The following PRKCA variants were observed in gnomAD, a reference collection of about 807,000 sequenced individuals.
The protein encoded by PRKCA is protein kinase C alpha.
PRKCA carries 27 observed loss-of-function variants against 87.0 expected under a neutral mutation model. That is an observed-to-expected ratio of 0.31 (90% CI 0.23 to 0.43). The LOEUF is 0.43. Ranked by LOEUF, PRKCA falls within the 20% of genes least tolerant of loss-of-function variation. The pLI is 1.00. For missense variants in PRKCA, 518 were observed against 852.3 expected, an observed-to-expected ratio of 0.61 and a Z score of 4.88; for synonymous variants, 329 against 311.1, an observed-to-expected ratio of 1.06 and a Z score of -0.61.
chr17:66,410,651 C>T (rs1055352068), intron 2 of PRKCA, among the ~76,000 whole-genome samples: 2 of 152,218 alleles, frequency 1.3e-5, no homozygotes, highest in African/African-American at 4.8e-5. Flanking sequence ...TCTCGGCTCA[C>T]TGCAACCTCC....
intron 8 of PRKCA, among the ~76,000 whole-genome samples, chr17:66,729,436 C>G (rs1598902196): frequency 6.6e-6 from 1 of 152,268 alleles, no homozygotes; most frequent in East Asian, 1.9e-4. Context: ...TAAATGTAGA[C>G]ACAGCCTAGG....
At chr17:66,511,605 G>T (rs1567867089) in intron 3 of PRKCA, among the ~76,000 whole-genome samples, 1 of 152,096 alleles carries the variant, frequency 6.6e-6, no homozygotes, top group Non-Finnish European at 1.5e-5. Context: ...TATTAAAGGG[G>T]CTTGGGCTTG....
At chr17:66,730,648 G>A (rs1489540363) in intron 8 of PRKCA, among the ~76,000 whole-genome samples, 1 of 152,216 alleles carries the variant, frequency 6.6e-6, no homozygotes, top group Non-Finnish European at 1.5e-5. Context: ...ACGATGAGCA[G>A]CCAGGAGACC....
At chr17:66,310,920 T>A (rs1598581922) in intron 2 of PRKCA, among the ~76,000 whole-genome samples, 1 of 152,276 alleles carries the variant, frequency 6.6e-6, no homozygotes, top group East Asian at 1.9e-4. Context: ...TAGGCCAGAT[T>A]GAGCAGAGGA....
At position 66,330,397 on chromosome 17, in the gene PRKCA, G is replaced by A. The variant is rs141214651; in HGVS notation, c.205+24270G>A. Among the ~76,000 whole-genome samples the A allele has an allele frequency of 3.9e-5, 6 of 152,228 alleles. No homozygotes were observed. The East Asian group carries it at 9.6e-4, about 24-fold the overall frequency. On this transcript the variant is annotated intron_variant, in intron 2 of 16. Transcript: ENST00000413366. Reference sequence around the variant, plus strand: ...GCTGGGATTACAGGCGTGAGCCATCGCACCTGGCCCCTGGAGATAATATTG... The same window carrying A: ...GCTGGGATTACAGGCGTGAGCCATCACACCTGGCCCCTGGAGATAATATTG...
At chr17:66,366,736 A>G (rs373997592) in intron 2 of PRKCA, among the ~76,000 whole-genome samples, 1 of 152,346 alleles carries the variant, frequency 6.6e-6, no homozygotes. Flanking sequence ...ATTCCTTGAA[A>G]AGAAAGGATG....
intron 3 of PRKCA, among the ~76,000 whole-genome samples, chr17:66,563,169 C>A (rs1051412617): frequency 1.3e-5 from 2 of 152,128 alleles, no homozygotes; most frequent in Admixed American, 1.3e-4. Context: ...ACATTTCTTA[C>A]AACTGATGCA....
chr17:66,405,145 A>G (rs1015936572), intron 2 of PRKCA, among the ~76,000 whole-genome samples: 2 of 152,168 alleles, frequency 1.3e-5, no homozygotes, highest in African/African-American at 4.8e-5. Flanking sequence ...GGCAGAGCAC[A>G]GTGATTGTCC....
At chr17:66,334,728 C>G (rs143565242) in intron 2 of PRKCA, among the ~76,000 whole-genome samples, 16 of 152,296 alleles carry the variant, frequency 1.1e-4, no homozygotes, top group African/African-American at 3.6e-4. Flanking sequence ...CATAGAATTC[C>G]TATGTGTCCC....
chr17:66,386,657 AAATTCCT>A (rs772160433), intron 2 of PRKCA, among the ~76,000 whole-genome samples: 1 of 152,240 alleles, frequency 6.6e-6, no homozygotes, highest in Non-Finnish European at 1.5e-5. Context: ...TCAGTCAAAT[AAATTCCT>A]AAATGCTGAA....
intron 2 of PRKCA, among the ~76,000 whole-genome samples, chr17:66,408,735 G>GGGA (rs1172635481): frequency 5.9e-5 from 9 of 152,100 alleles, no homozygotes; most frequent in Non-Finnish European, 1.0e-4. Flanking sequence ...GTTGATGTGT[G>GGGA]GGAAGTATAG....
intron 2 of PRKCA, among the ~76,000 whole-genome samples, chr17:66,438,171 C>T (rs900177514): frequency 1.3e-5 from 2 of 152,060 alleles, no homozygotes; most frequent in African/African-American, 2.4e-5. Context: ...TGTGTGACTG[C>T]GGTTGAGAAA....
intron 5 of PRKCA, among the ~76,000 whole-genome samples, chr17:66,662,424 C>T (rs1412266377): frequency 6.6e-6 from 1 of 152,134 alleles, no homozygotes. Context: ...GGCTCAGCGG[C>T]ACCCAAGCAG....
chr17:66,375,627 T>TG (rs1480180469), intron 2 of PRKCA, among the ~76,000 whole-genome samples: 5 of 152,240 alleles, frequency 3.3e-5, no homozygotes, highest in Non-Finnish European at 5.9e-5. Context: ...ATTAGAGTTC[T>TG]GGGGGCAGTT....
chr17:66,739,799 G>A (rs1030644173), intron 11 of PRKCA, among the ~76,000 whole-genome samples: 12 of 152,176 alleles, frequency 7.9e-5, no homozygotes, highest in African/African-American at 2.9e-4. Flanking sequence ...TGGGGCTCTG[G>A]GTGAAGAGCC....
intron 2 of PRKCA, among the ~76,000 whole-genome samples, chr17:66,381,377 C>T (rs546921362): frequency 2.6e-5 from 4 of 152,258 alleles, no homozygotes; most frequent in Admixed American, 6.5e-5. Flanking sequence ...GGAGCAAAGA[C>T]GGTTTGTTTG....
intron 3 of PRKCA, among the ~76,000 whole-genome samples, chr17:66,614,868 G>A (rs1304763983): frequency 3.3e-5 from 5 of 152,100 alleles, no homozygotes; most frequent in Admixed American, 3.3e-4. Context: ...GGGCATATCA[G>A]TTAAGAATTG....
chr17:66,566,798 A>G (rs1427805770), intron 3 of PRKCA, among the ~76,000 whole-genome samples: 1 of 152,002 alleles, frequency 6.6e-6, no homozygotes, highest in Non-Finnish European at 1.5e-5. Context: ...AGGTGCCCCT[A>G]CTGTTTGGTG....
At chr17:66,679,668 T>C (rs1293743177) in intron 5 of PRKCA, among the ~76,000 whole-genome samples, 1 of 152,256 alleles carries the variant, frequency 6.6e-6, no homozygotes, top group Non-Finnish European at 1.5e-5. Context: ...GCCACCCATC[T>C]TTCTAGTGGA....
Sources: gnomAD v4.1 joint callset for allele counts (sites outside exome capture counted in the v4.1 genomes callset) on GRCh38, gnomAD v4.1.1 for gene constraint, MANE v1.5 for transcripts, NCBI Gene and HGNC (gene_info 2026-07-23, HGNC 2026-07-21) for gene names.